The following GRB2 variants were observed in gnomAD, a reference collection of about 807,000 sequenced individuals.
The protein encoded by GRB2 is growth factor receptor bound protein 2.
GRB2 carries 2 observed loss-of-function variants against 27.4 expected under a neutral mutation model. The observed-to-expected ratio is 0.07, with a 90% CI of 0.03 to 0.23. The LOEUF is 0.23. Among genes scored for constraint, GRB2 ranks in the 10% least tolerant of loss-of-function variants. The pLI is 1.00. For synonymous variants in GRB2, 94 were observed against 99.6 expected, an observed-to-expected ratio of 0.94 and a Z score of 0.33; for missense variants, 102 against 282.4, an observed-to-expected ratio of 0.36 and a Z score of 4.58.
At chr17:75,368,303 C>T (rs1280510643) in intron 2 of GRB2, among the ~76,000 whole-genome samples, 2 of 151,094 alleles carry the variant, frequency 1.3e-5, no homozygotes, top group Non-Finnish European at 2.9e-5. Flanking sequence ...GCAAACTCCG[C>T]CTCCCATGGT....
intron 4 of GRB2, among the ~76,000 whole-genome samples, chr17:75,325,202 T>C (rs188108563): frequency 1.3e-5 from 2 of 152,336 alleles, no homozygotes; most frequent in East Asian, 3.9e-4. Context: ...TATATATAAC[T>C]GATGAAGTGA....
intron 2 of GRB2, among the ~76,000 whole-genome samples, chr17:75,337,945 T>G (rs538420997): frequency 2.4e-5 from 3 of 127,582 alleles, no homozygotes; most frequent in African/African-American, 8.8e-5. Context: ...TATTATTATT[T>G]ATTGAGACAG....
At chr17:75,394,546 C>G (rs1302865642) in intron 1 of GRB2, among the ~76,000 whole-genome samples, 1 of 152,160 alleles carries the variant, frequency 6.6e-6, no homozygotes, top group African/African-American at 2.4e-5. Flanking sequence ...GGGTCCCCAC[C>G]AGGAATGAAA....
chr17:75,387,885 G>A (rs2078974908), intron 2 of GRB2: 1 of 151,936 alleles, frequency 6.6e-6, no homozygotes, highest in Non-Finnish European at 1.5e-5. Context: ...AGATTCTGAA[G>A]GAATACTACA....
chr17:75,321,740 A>G lies in GRB2; in HGVS notation c.387T>C (p.Asn129=). Residue 129 remains asparagine, a synonymous_variant, in exon 5 of 6, where the codon AAT becomes AAC. Coordinates refer to ENST00000316804, the MANE Select transcript of GRB2 (RefSeq NM_002086.5). ...FLWVVKFNSL[N]ELVDYHRSTS... ...TAGATCTGTGATAATCCACCAGCTC[A>G]TTCAAAGAATTGAACTTCACCACCC... The G allele has an allele frequency of 1.2e-6, 2 of 1,614,010 alleles. No homozygotes were observed. The highest frequency in any genetic ancestry group is 1.7e-6 in the Non-Finnish European group (2 of 1,179,938).
intron 1 of GRB2, among the ~76,000 whole-genome samples, chr17:75,395,155 G>A (rs1356896704): frequency 3.9e-5 from 6 of 152,128 alleles, no homozygotes; most frequent in Non-Finnish European, 5.9e-5. Flanking sequence ...AGCTGCAAAT[G>A]GACCAAGTAG....
At chr17:75,344,604 C>A (rs2078642736) in intron 2 of GRB2, among the ~76,000 whole-genome samples, 1 of 151,990 alleles carries the variant, frequency 6.6e-6, no homozygotes. Flanking sequence ...GTTGGCCAGG[C>A]TGGTGTTGAA....
intron 2 of GRB2, chr17:75,371,672 C>A (rs568855827): frequency 3.3e-5 from 5 of 151,732 alleles, no homozygotes; most frequent in Non-Finnish European, 7.4e-5. Context: ...TTCTAAGCAA[C>A]GAGAGGTGGC....
intron 2 of GRB2, among the ~76,000 whole-genome samples, chr17:75,377,537 T>C (rs2078901760): frequency 7.0e-6 from 1 of 143,630 alleles, no homozygotes; most frequent in Non-Finnish European, 1.5e-5. Flanking sequence ...GATGAAGTGC[T>C]TGAGCCTAGG....
At chr17:75,353,110 G>A (rs1041112815) in intron 2 of GRB2, among the ~76,000 whole-genome samples, 2 of 151,412 alleles carry the variant, frequency 1.3e-5, no homozygotes, top group Non-Finnish European at 2.9e-5. Flanking sequence ...GCGTGAACCC[G>A]GGAGGCGGAG....
chr17:75,381,921 C>T (rs1223165095), intron 2 of GRB2, among the ~76,000 whole-genome samples: 1 of 151,678 alleles, frequency 6.6e-6, no homozygotes, highest in Non-Finnish European at 1.5e-5. Flanking sequence ...TTACCAAGGG[C>T]TTTTGCCATT....
rs1255726204 is a variant in GRB2, at chr17:75,337,919, T to C, written c.79-5122A>G. ...ACTACTACTATTATTATTATTATTATTATTATTATTATTATTATTATTATT... is the reference window on the plus strand; with the variant it reads ...ACTACTACTATTATTATTATTATTACTATTATTATTATTATTATTATTATT... On this transcript the variant is annotated intron_variant, in intron 2 of 5. Transcript: ENST00000316804. Among the ~76,000 whole-genome samples, 62 of 126,806 alleles carry C rather than the reference T, an allele frequency of 4.9e-4. 1 individual carries two copies. Among genetic ancestry groups the C allele is most frequent in the Middle Eastern group, 4.0e-3 (1 of 250 alleles). The allele number at this position is 126,806 out of a possible 152,430, so 83.2% of individuals were successfully genotyped here. A position where few individuals can be genotyped will look rare whatever the true frequency, so the allele number is the denominator to read the frequency against.
intron 2 of GRB2, among the ~76,000 whole-genome samples, chr17:75,378,406 C>T (rs747482936): frequency 6.9e-6 from 1 of 145,502 alleles, no homozygotes; most frequent in Non-Finnish European, 1.5e-5. Context: ...AAACAAACAC[C>T]CAAACCCAAA....
chr17:75,349,119 G>A (rs971889980), intron 2 of GRB2, among the ~76,000 whole-genome samples: 5 of 152,194 alleles, frequency 3.3e-5, no homozygotes, highest in Non-Finnish European at 5.9e-5. Flanking sequence ...AGGTGAGAGG[G>A]TATAGTAAGC....
chr17:75,385,979 T>G (rs982337318), intron 2 of GRB2, among the ~76,000 whole-genome samples: 1 of 152,340 alleles, frequency 6.6e-6, no homozygotes, highest in East Asian at 1.9e-4. Context: ...GCCACTTTTA[T>G]GTGTTTTAAC....
At chr17:75,335,520 G>C (rs528794979) in intron 2 of GRB2, among the ~76,000 whole-genome samples, 1 of 152,136 alleles carries the variant, frequency 6.6e-6, no homozygotes, top group Non-Finnish European at 1.5e-5. Context: ...ACAGATGATC[G>C]ACAACTAGCC....
chr17:75,398,612 TACTA>T (rs1368915663), intron 1 of GRB2, among the ~76,000 whole-genome samples: 2 of 152,174 alleles, frequency 1.3e-5, no homozygotes, highest in African/African-American at 2.4e-5. Flanking sequence ...TTTGAGAAGT[TACTA>T]ACTGACAATG....
At chr17:75,340,836 A>G (rs528457729) in intron 2 of GRB2, among the ~76,000 whole-genome samples, 2 of 152,320 alleles carry the variant, frequency 1.3e-5, no homozygotes, top group South Asian at 4.1e-4. Flanking sequence ...CCAAATCATG[A>G]AAAACACCCA....
At chr17:75,325,300 C>T (rs898211310) in intron 4 of GRB2, among the ~76,000 whole-genome samples, 3 of 152,072 alleles carry the variant, frequency 2.0e-5, no homozygotes, top group African/African-American at 7.2e-5. Context: ...CAATTTAATT[C>T]AAAATCCCGA....
Sources: allele counts gnomAD v4.1 joint callset (sites outside exome capture counted in the v4.1 genomes callset), GRCh38; gene constraint gnomAD v4.1.1; transcripts MANE v1.5; gene names NCBI Gene and HGNC (gene_info 2026-07-23, HGNC 2026-07-21).